Variants in ACOX1 observed in about 807,000 individuals in gnomAD.
ACOX1 encodes the protein acyl-CoA oxidase 1, also known as peroxisomal acyl-coenzyme A oxidase 1.
ACOX1 carries 41 observed loss-of-function variants against 75.5 expected under a neutral mutation model. The observed-to-expected ratio is 0.54, with a 90% CI of 0.42 to 0.70. The LOEUF (loss-of-function observed/expected upper bound fraction) is 0.70. Among genes scored for constraint, ACOX1 ranks in the 30% least tolerant of loss-of-function variants. The pLI is 0.00. For missense variants in ACOX1, 630 were observed against 837.5 expected, an observed-to-expected ratio of 0.75 and a Z score of 3.06; for synonymous variants, 303 against 298.8, an observed-to-expected ratio of 1.01 and a Z score of -0.15.
At chr17:75,949,420 T>C (rs2065752685) in intron 11 of ACOX1, 60 bp from the exon 12 acceptor site, 4 of 1,609,762 alleles carry the variant, frequency 2.5e-6, no homozygotes, top group Non-Finnish European at 3.4e-6. Context: ...CAATATACAG[T>C]GACTAGGGTT....
rs1194366309 is a variant in ACOX1 at position 75,953,513 on chromosome 17, A to C, written c.882T>G (p.Ser294=). The C allele has an allele frequency of 6.2e-7, 1 of 1,614,172 alleles. No individual in the cohort carries two copies. Among genetic ancestry groups the C allele is most frequent in the South Asian group, 1.1e-5 (1 of 91,080 alleles). Residue 294 remains serine, a synonymous_variant, in exon 7 of 14, where the codon TCT becomes TCG. Coordinates refer to ENST00000293217, the MANE Select transcript of ACOX1 (RefSeq NM_004035.7). ...FLVGEAARAL[S]KACTIAIRYS... ...ATCGGATGGCAATGGTGCACGCCTT[A>C]GACAGAGCCCGAGCAGCTTCTCCCA... is the stretch of plus-strand genomic sequence containing the variant.
chr17:75,976,238 GA>G lies in ACOX1; in HGVS notation c.269+2295del, dbSNP rs551875517. On this transcript the variant is annotated intron_variant, in intron 2 of 13. Transcript: ENST00000293217. ...AAGTTTGTACTTTAATACTTCACAT[GA>G]AAAATGATACACAAAACAACTTCCC... is the stretch of plus-strand genomic sequence containing the variant. Among the ~76,000 whole-genome samples, 6 of 152,266 alleles carry G rather than the reference GA, an allele frequency of 3.9e-5. No homozygotes were observed. The South Asian group carries it at 1.2e-3, about 32-fold the overall frequency.
chr17:75,957,652 C>T, intron 3 of ACOX1, 86 bp from the exon 4 acceptor site: 1 of 983,140 alleles, frequency 1.0e-6, no homozygotes, highest in Non-Finnish European at 1.6e-6. Context: ...GTCCTTTAAA[C>T]TCTCATATCT....
intron 2 of ACOX1, among the ~76,000 whole-genome samples, chr17:75,969,718 A>G (rs2065974772): frequency 6.6e-6 from 1 of 152,202 alleles, no homozygotes; most frequent in Non-Finnish European, 1.5e-5. Context: ...AGTGTTAATG[A>G]TGGCAATTTG....
At chr17:75,949,649 T>TG (rs1255591952) in intron 10 of ACOX1, 49 bp from the exon 11 acceptor site, 15 of 1,612,876 alleles carry the variant, frequency 9.3e-6, no homozygotes, top group Non-Finnish European at 1.3e-5. Flanking sequence ...ACAGTACTCA[T>TG]GCCTTCTTGC....
intron 13 of ACOX1, 106 bp downstream of exon 13, chr17:75,948,145 A>T: frequency 1.7e-6 from 2 of 1,161,252 alleles, no homozygotes; most frequent in South Asian, 1.3e-5. Flanking sequence ...AGAAGTGGCC[A>T]TGGTACTTTC....
chr17:75,954,877 C>T (rs2065809825), intron 6 of ACOX1, among the ~76,000 whole-genome samples: 1 of 142,290 alleles, frequency 7.0e-6, no homozygotes, highest in East Asian at 2.2e-4. Context: ...GCCTTATTCC[C>T]TCCTTTTATG....
chr17:75,977,579 A>G (rs570841817), intron 2 of ACOX1, among the ~76,000 whole-genome samples: 3 of 152,298 alleles, frequency 2.0e-5, no homozygotes, highest in African/African-American at 7.2e-5. Flanking sequence ...AAACAAAAAC[A>G]AAAACAAAAA....
intron 2 of ACOX1, among the ~76,000 whole-genome samples, chr17:75,966,806 A>T (rs189295144): frequency 0.02 from 3,061 of 152,220 alleles, 56 homozygotes; most frequent in Non-Finnish European, 0.033. Context: ...TCTCAAAAAA[A>T]TTTTATAAAG....
intron 7 of ACOX1, among the ~76,000 whole-genome samples, chr17:75,952,560 C>CT (rs1567875083): frequency 2.0e-5 from 3 of 152,062 alleles, no homozygotes; most frequent in African/African-American, 7.2e-5. Flanking sequence ...TCCCAAAGTG[C>CT]TGAGATTACA....
At chr17:75,970,698 A>C (rs547820635) in intron 2 of ACOX1, among the ~76,000 whole-genome samples, 1 of 152,372 alleles carries the variant, frequency 6.6e-6, no homozygotes, top group Admixed American at 6.5e-5. Flanking sequence ...CGCGTTAGAT[A>C]ATCACTGTTC....
intron 2 of ACOX1, chr17:75,973,925 T>A: frequency 1.2e-6 from 1 of 811,928 alleles, no homozygotes. Flanking sequence ...AATATAAGAT[T>A]TACCATTTTA....
rs1488440660 is a variant in ACOX1, at chr17:75,950,839, A to G, written c.1233T>C (p.Tyr411=). The G allele has an allele frequency of 2.5e-6, 4 of 1,614,214 alleles. No individual in the cohort carries two copies. The highest frequency in any genetic ancestry group is 1.7e-6 in the Non-Finnish European group (2 of 1,180,044). The part of the protein sequence containing the change: ...YSHCSGLPNI[Y]VNFTPSCTFE... ...AGGTACAGCTTGGGGTGAAATTGAC[A>G]TAAATATTTGGAAGACCACTGCAAT... Residue 411 remains tyrosine (Y), a synonymous_variant, in exon 9 of 14, where the codon TAT becomes TAC. Coordinates refer to ENST00000293217, the MANE Select transcript of ACOX1 (RefSeq NM_004035.7). This position sits in a 1 kb window ranked among gnomAD's most constrained non-coding sequence, Gnocchi z 4.3.
chr17:75,957,613 A>T, intron 3 of ACOX1, 47 bp from the exon 4 acceptor site: 1 of 1,480,012 alleles, frequency 6.8e-7, no homozygotes, highest in Non-Finnish European at 9.4e-7. Context: ...TGGGGAAAAA[A>T]ATAGGCACAA....
At chr17:75,947,244 C>T (rs900095673) in intron 13 of ACOX1, among the ~76,000 whole-genome samples, 28 of 133,792 alleles carry the variant, frequency 2.1e-4, no homozygotes, top group African/African-American at 7.8e-4. Flanking sequence ...TATCTGATGT[C>T]TTAGTTTTTT....
At chr17:75,976,187 T>C (rs191836268) in intron 2 of ACOX1, among the ~76,000 whole-genome samples, 3 of 152,344 alleles carry the variant, frequency 2.0e-5, no homozygotes, top group East Asian at 1.9e-4. Context: ...CCTAAGGACA[T>C]TGGAAGTGTG....
chr17:75,944,092 G>A lies in ACOX1; in HGVS notation c.*2656C>T, dbSNP rs552628962. 6.6e-6 allele frequency: 1 copy of A among 152,108 alleles called. No homozygotes were observed. The highest frequency in any genetic ancestry group is 2.1e-4 in the South Asian group (1 of 4,802). 9.4% of individuals were successfully genotyped at this position (152,108 alleles called of 1,614,324 possible). ...CAGAAAAAATAGAACAAATTAGCTG[G>A]GCATGGTGGCACGTGCCTGTCGTCC... On this transcript the variant is annotated 3_prime_UTR_variant, in exon 14 of 14. Coordinates refer to ENST00000293217, the MANE Select transcript of ACOX1 (RefSeq NM_004035.7).
rs1034486279 is a variant in ACOX1 at position 75,950,154 on chromosome 17, G to A, written c.1299-257C>T. On this transcript the variant is annotated intron_variant, in intron 9 of 13. Transcript: ENST00000293217. This position sits in a 1 kb window ranked among gnomAD's most constrained non-coding sequence, Gnocchi z 4.3. ...TTTAGTAGAGACAGGGTTTTACCAT[G>A]TTGGCCAGGCTGGTCTCTTAACTCC... Among the ~76,000 whole-genome samples, 5 of 151,844 alleles carry A rather than the reference G, an allele frequency of 3.3e-5. No individual in the cohort carries two copies. Among genetic ancestry groups the A allele is most frequent in the Non-Finnish European group, 7.4e-5 (5 of 68,006 alleles).
intron 2 of ACOX1, among the ~76,000 whole-genome samples, chr17:75,976,813 A>G (rs2066054348): frequency 6.6e-6 from 1 of 152,080 alleles, no homozygotes; most frequent in Non-Finnish European, 1.5e-5. Flanking sequence ...GCTTGGTTCT[A>G]GTCTATACAC....
Sources: allele counts gnomAD v4.1 joint callset (sites outside exome capture counted in the v4.1 genomes callset), GRCh38; gene constraint gnomAD v4.1.1; non-coding constraint Gnocchi (gnomAD v3.1); transcripts MANE v1.5; gene names NCBI Gene and HGNC (gene_info 2026-07-23, HGNC 2026-07-21).